The following ACOT7 variants were observed in gnomAD, a reference collection of about 807,000 sequenced individuals.
The protein encoded by ACOT7 is cytosolic acyl coenzyme A thioester hydrolase.
In ACOT7, 12 loss-of-function variants were observed where a neutral mutation model predicts 40.2. The observed-to-expected ratio is 0.30, with a 90% CI of 0.19 to 0.48. ACOT7 has a LOEUF of 0.48. Among genes scored for constraint, ACOT7 ranks in the 20% least tolerant of loss-of-function variants. The pLI, the probability that ACOT7 is intolerant of heterozygous loss-of-function variation, is 0.99. For synonymous variants in ACOT7, 228 were observed against 219.5 expected, an observed-to-expected ratio of 1.04 and a Z score of -0.34; for missense variants, 395 against 530.8, an observed-to-expected ratio of 0.74 and a Z score of 2.51.
In ACOT7 at chr1:6,333,572, A is replaced by T; in HGVS notation, c.419-4T>A. On this transcript the variant is annotated splice_polypyrimidine_tract_variant and splice_region_variant and intron_variant, in intron 3 of 8. Transcript: ENST00000361521. ...TTATTGGTCAGCTTTTTGGCACCTT[A>T]AGAGAAGAAAATCACATTAAGTGAC... The T allele has an allele frequency of 2.5e-6, 4 of 1,614,106 alleles. No individual in the cohort carries two copies. The highest frequency in any genetic ancestry group is 3.4e-6 in the Non-Finnish European group (4 of 1,179,942).
In ACOT7 at chr1:6,359,161, C is replaced by G. The variant is rs1351535223; in HGVS notation, c.144-9295G>C. On this transcript the variant is annotated intron_variant, in intron 1 of 8. Transcript: ENST00000361521. This position sits in a 1 kb window ranked among gnomAD's most constrained non-coding sequence, Gnocchi z 4.1. Reference sequence around the variant, plus strand: ...GGCAGAGGGGCCGCTGCTGAGCGGCCTCAGGGAAGCGGCTATGAGGCTCTG... The same window carrying G: ...GGCAGAGGGGCCGCTGCTGAGCGGCGTCAGGGAAGCGGCTATGAGGCTCTG... The G allele has an allele frequency of 3.7e-6, 1 of 269,938 alleles. No homozygotes were observed. Among genetic ancestry groups the G allele is most frequent in the African/African-American group, 2.2e-5 (1 of 44,764 alleles). 16.7% of individuals were successfully genotyped at this position (269,938 alleles called of 1,614,324 possible).
intron 4 of ACOT7, among the ~76,000 whole-genome samples, chr1:6,332,042 G>A (rs544253716): frequency 5.3e-5 from 8 of 152,338 alleles, no homozygotes; most frequent in South Asian, 2.1e-4. Flanking sequence ...GCCTGCACCC[G>A]GCAAACGCTG....
chr1:6,373,865 TAA>T (rs1278776993), intron 1 of ACOT7, among the ~76,000 whole-genome samples: 10 of 134,988 alleles, frequency 7.4e-5, no homozygotes, highest in South Asian at 2.4e-4. Context: ...AACTCCATCT[TAA>T]AAAAAAAAAA....
intron 6 of ACOT7, among the ~76,000 whole-genome samples, chr1:6,305,271 G>A (rs1311560746): frequency 3.5e-5 from 5 of 143,642 alleles, no homozygotes; most frequent in East Asian, 2.1e-4. Flanking sequence ...CCTCCCTCCC[G>A]GACGGGGCGG....
intron 1 of ACOT7, among the ~76,000 whole-genome samples, chr1:6,368,539 G>A (rs1642065091): frequency 6.6e-6 from 1 of 151,092 alleles, no homozygotes; most frequent in Non-Finnish European, 1.5e-5. Context: ...CAATCATGCT[G>A]CTTCCCCACC....
intron 4 of ACOT7, among the ~76,000 whole-genome samples, chr1:6,332,163 A>G (rs528121309): frequency 1.2e-4 from 19 of 152,338 alleles, no homozygotes; most frequent in South Asian, 1.2e-3. Flanking sequence ...CAGTTTTATT[A>G]TTTCTAAAAA....
rs1475912834 is a variant in ACOT7, at chr1:6,390,710, C to A, written c.143+2547G>T. Among the ~76,000 whole-genome samples, 42 of 147,414 alleles carry A rather than the reference C, an allele frequency of 2.8e-4. No individual in the cohort carries two copies. In the East Asian group the frequency reaches 2.9e-3, roughly 10 times the overall value. On this transcript the variant is annotated intron_variant, in intron 1 of 8. Transcript: ENST00000361521. ...CAGCACTTTGGGAGGCCGAGGCGGG[C>A]AGATCACCTGAGGTCAGGAGTTCAA...
chr1:6,346,240 T>G (rs1385808670), intron 2 of ACOT7, among the ~76,000 whole-genome samples: 3 of 152,244 alleles, frequency 2.0e-5, no homozygotes, highest in African/African-American at 4.8e-5. Flanking sequence ...AAGCTGAGAC[T>G]ACAGGCACAG....
chr1:6,306,158 C>A lies in ACOT7; in HGVS notation c.713-11178G>T, dbSNP rs998795610. The A allele has an allele frequency of 1.2e-6, 1 of 800,726 alleles. No individual in the cohort carries two copies. Among genetic ancestry groups the A allele is most frequent in the African/African-American group, 2.0e-5 (1 of 49,292 alleles). The allele number at this position is 800,726 out of a possible 1,614,324, so 49.6% of individuals were successfully genotyped here. Reference sequence around the variant, plus strand: ...GCAGCAGCACAGTCCAGCTTCGGCTCGGCATCAGAGGGAGACCGTGGCAAG... The same window carrying A: ...GCAGCAGCACAGTCCAGCTTCGGCTAGGCATCAGAGGGAGACCGTGGCAAG... On this transcript the variant is annotated intron_variant, in intron 6 of 8. Transcript: ENST00000361521. This position sits in a 1 kb window ranked among gnomAD's most constrained non-coding sequence, Gnocchi z 4.3.
rs1008571620 is a variant in ACOT7 at position 6,355,635 on chromosome 1, T to C, written c.144-5769A>G. 2.6e-5 allele frequency among the ~76,000 whole-genome samples: 4 copies of C among 152,196 alleles called. No individual in the cohort carries two copies. Among genetic ancestry groups the C allele is most frequent in the South Asian group, 4.1e-4 (2 of 4,822 alleles). On this transcript the variant is annotated intron_variant, in intron 1 of 8. Transcript: ENST00000361521. The surrounding 1 kb of genome is among the most constrained non-coding windows in gnomAD (Gnocchi z 5.0). ...CTACTGGGCAGGGACCTCGGTGAGA[T>C]GCCTGTGTCTTTTGGATGCCTTTAA...
intron 3 of ACOT7, 123 bp from the exon 4 acceptor site, chr1:6,333,691 C>T: frequency 2.2e-6 from 2 of 909,914 alleles, no homozygotes; most frequent in Admixed American, 2.1e-5. Context: ...CCACAGTGTG[C>T]ACCACCTCTC....
intron 1 of ACOT7, among the ~76,000 whole-genome samples, chr1:6,384,635 T>C (rs1482825707): frequency 1.3e-5 from 2 of 151,866 alleles, no homozygotes; most frequent in Non-Finnish European, 2.9e-5. Context: ...TTCTGCGGTA[T>C]AGGAAGGTAA....
intron 5 of ACOT7, among the ~76,000 whole-genome samples, chr1:6,320,297 T>A (rs1640609834): frequency 6.6e-6 from 1 of 152,242 alleles, no homozygotes; most frequent in African/African-American, 2.4e-5. Flanking sequence ...GGGGGCCTGG[T>A]TCAGGCTCCT....
intron 3 of ACOT7, among the ~76,000 whole-genome samples, chr1:6,334,802 G>A (rs1020064056): frequency 1.3e-5 from 2 of 152,236 alleles, no homozygotes; most frequent in Non-Finnish European, 2.9e-5. Flanking sequence ...GCCCAGAGAC[G>A]TCTAGGGGTT....
At position 6,385,568 on chromosome 1, in the gene ACOT7, T is replaced by C. The variant is rs757302904; in HGVS notation, c.143+7689A>G. ...CCACCTGGACGGGAGCGCAGCACCC[T>C]CGCCGGGGCCCCACACATCCCTGGC... On this transcript the variant is annotated intron_variant, in intron 1 of 8. Transcript: ENST00000361521. 8.1e-6 allele frequency: 13 copies of C among 1,612,062 alleles called. No homozygotes were observed. The Admixed American group carries it at 1.2e-4, about 14-fold the overall frequency.
chr1:6,353,712 A>C (rs1055153289), intron 1 of ACOT7, among the ~76,000 whole-genome samples: 3 of 152,224 alleles, frequency 2.0e-5, no homozygotes, highest in Admixed American at 6.5e-5. Context: ...AAAATAAAGA[A>C]AGACACAGGC....
chr1:6,354,956 A>G (rs1331922191), intron 1 of ACOT7, among the ~76,000 whole-genome samples: 3 of 151,284 alleles, frequency 2.0e-5, no homozygotes, highest in African/African-American at 4.9e-5. Flanking sequence ...TCCCTTATCC[A>G]TACCTTCCAG....
At chr1:6,383,395 G>C (rs1441313266) in intron 1 of ACOT7, among the ~76,000 whole-genome samples, 1 of 151,052 alleles carries the variant, frequency 6.6e-6, no homozygotes, top group African/African-American at 2.4e-5. Context: ...CACCTTGTTA[G>C]CCAGGATGGT....
intron 1 of ACOT7, among the ~76,000 whole-genome samples, chr1:6,357,691 G>T (rs1641784650): frequency 6.6e-6 from 1 of 152,192 alleles, no homozygotes; most frequent in Admixed American, 6.5e-5. Flanking sequence ...GGAAGGAAAG[G>T]AGAAGCGGGT....
Sources: allele counts gnomAD v4.1 joint callset (sites outside exome capture counted in the v4.1 genomes callset), GRCh38; gene constraint gnomAD v4.1.1; non-coding constraint Gnocchi (gnomAD v3.1); transcripts MANE v1.5; gene names NCBI Gene and HGNC (gene_info 2026-07-23, HGNC 2026-07-21).